Variants in SLC6A12 observed in about 807,000 individuals in gnomAD.
SLC6A12 encodes solute carrier family 6 member 12.
SLC6A12 carries 50 observed loss-of-function variants against 73.3 expected under a neutral mutation model. That is an observed-to-expected ratio of 0.68 (90% CI 0.54 to 0.86). The LOEUF (loss-of-function observed/expected upper bound fraction) is 0.86, where lower values mean the gene tolerates loss of function less well. Ranked by LOEUF, SLC6A12 falls within the 40% of genes least tolerant of loss-of-function variation. The probability of loss-of-function intolerance (pLI) is 0.00; values close to 1 mark genes in which losing one functional copy is unlikely to be tolerated. For synonymous variants in SLC6A12, 304 were observed against 309.2 expected, an observed-to-expected ratio of 0.98 and a Z score of 0.18; for missense variants, 648 against 772.8, an observed-to-expected ratio of 0.84 and a Z score of 1.92.
the SLC6A12 span, among the ~76,000 whole-genome samples, chr12:183,862 TCTA>T: frequency 6.6e-6 from 1 of 151,798 alleles, no homozygotes; most frequent in Non-Finnish European, 1.5e-5. Flanking sequence ...TTTACAAAAT[TCTA>T]CTACACTTCA....
At chr12:191,713 G>C (rs1330349722) in intron 15 of SLC6A12, among the ~76,000 whole-genome samples, 1 of 152,146 alleles carries the variant, frequency 6.6e-6, no homozygotes, top group Non-Finnish European at 1.5e-5. Context: ...TGCCTTGAAT[G>C]CAGATGTGAT....
downstream of SLC6A12, among the ~76,000 whole-genome samples, chr12:187,674 G>T (rs1266384860): frequency 7.1e-6 from 1 of 140,454 alleles, no homozygotes; most frequent in African/African-American, 2.7e-5. Flanking sequence ...CGCGACCCCA[G>T]CGGGTTACCA....
At chr12:193,034 C>G in intron 14 of SLC6A12, 1 of 532,798 alleles carries the variant, frequency 1.9e-6, no homozygotes, top group East Asian at 3.0e-5. Context: ...CAGGCAGAAG[C>G]AGGAGGCACT....
intron 7 of SLC6A12, chr12:199,581 G>C (rs1448724094): frequency 6.6e-6 from 1 of 152,368 alleles, no homozygotes; most frequent in Non-Finnish European, 1.5e-5. Context: ...TGTCTGTGCT[G>C]TTATTACTAC....
downstream of SLC6A12, among the ~76,000 whole-genome samples, chr12:187,697 G>C (rs1939462443): frequency 6.9e-6 from 1 of 145,762 alleles, no homozygotes; most frequent in Non-Finnish European, 1.5e-5. Flanking sequence ...AGGGCCTCCG[G>C]CAGCCTGCTT....
rs1565463113 is a variant in SLC6A12 at position 190,553 on chromosome 12, G to T, written c.*515C>A. 6.6e-6 allele frequency: 1 copy of T among 152,324 alleles called. No homozygotes were observed. The highest frequency in any genetic ancestry group is 1.9e-4 in the East Asian group (1 of 5,178). The allele number at this position is 152,324 out of a possible 1,614,324, so 9.4% of individuals were successfully genotyped here. On this transcript the variant is annotated 3_prime_UTR_variant, in exon 16 of 16. Transcript: ENST00000684302. The stretch of plus-strand genomic sequence containing the variant: ...AACTCCAGACTGACGGCATGCAAAG[G>T]CTTGCCTCTGTCGTTAAGCCTAAGG...
rs1365048566 is a variant in SLC6A12, at chr12:209,874, T to C, written c.113A>G (p.Gln38Arg). The change falls in exon 3 of 16, where the codon CAA becomes CGA. Residue 38 changes from glutamine (Q) to arginine (R), a missense_variant. Gln to Arg is a conservative substitution (Grantham distance 43, BLOSUM62 1). Transcript: ENST00000684302. ...EDEDQVKDRGQWTNKMEFVLS... is the reference protein window; with the variant it reads ...EDEDQVKDRGRWTNKMEFVLS... ...CACAAACTCCATCTTGTTGGTCCAT[T>C]GGCCCCGATCCTTCACCTGGTCCTC... is the stretch of plus-strand genomic sequence containing the variant. 6.2e-7 allele frequency: 1 copy of C among 1,614,040 alleles called. No homozygotes were observed. The highest frequency in any genetic ancestry group is 1.3e-5 in the African/African-American group (1 of 74,914).
downstream of SLC6A12, among the ~76,000 whole-genome samples, chr12:188,604 G>A (rs1379655017): frequency 6.6e-6 from 1 of 152,204 alleles, no homozygotes; most frequent in Non-Finnish European, 1.5e-5. Flanking sequence ...GAGGGCTGGG[G>A]GCACGCTGTC....
rs767745827 is a variant in SLC6A12 at position 201,813 on chromosome 12, C to T, written c.527G>A (p.Gly176Asp). The T allele has an allele frequency of 5.0e-6, 8 of 1,614,098 alleles. No homozygotes were observed. The African/African-American group carries it at 8.0e-5, about 16-fold the overall frequency. ...CTDFLNHSGA[G>D]TVTPFENFTS... ...AAAATTCTCAAATGGGGTCACTGTGCCGGCTCCTGAGTGGTTCAGAAAGTC... is the reference window on the plus strand; with the variant it reads ...AAAATTCTCAAATGGGGTCACTGTGTCGGCTCCTGAGTGGTTCAGAAAGTC... Residue 176 changes from glycine to aspartate, a missense_variant, in exon 6 of 16, where the codon GGC (glycine) becomes GAC (aspartate). Physicochemically the swap from Gly to Asp is moderately conservative, Grantham distance 94. Transcript: ENST00000684302.
intron 4 of SLC6A12, chr12:203,710 G>T (rs1009660839): frequency 6.6e-6 from 1 of 152,246 alleles, no homozygotes; most frequent in African/African-American, 2.4e-5. Flanking sequence ...AAGCGGACCC[G>T]GGATGGCCGA....
In SLC6A12 at chr12:190,137, T is replaced by C. The variant is rs1379636269; in HGVS notation, c.*931A>G. ...AGGCAGGGGGTTAATGGGAAGACACTGGCCTGAGCACAAGGAGATAAGGTT... is the reference window on the plus strand; with the variant it reads ...AGGCAGGGGGTTAATGGGAAGACACCGGCCTGAGCACAAGGAGATAAGGTT... On this transcript the variant is annotated 3_prime_UTR_variant, in exon 16 of 16. Coordinates refer to ENST00000684302, the MANE Select transcript of SLC6A12 (RefSeq NM_001122848.3). The C allele has an allele frequency of 6.6e-6, 1 of 152,234 alleles. No individual in the cohort carries two copies. Among genetic ancestry groups the C allele is most frequent in the Non-Finnish European group, 1.5e-5 (1 of 68,064 alleles). 9.4% of individuals were successfully genotyped at this position (152,234 alleles called of 1,614,324 possible).
chr12:200,330 G>C lies in SLC6A12; in HGVS notation c.711+321C>G, dbSNP rs184039800. On this transcript the variant is annotated intron_variant, in intron 7 of 15. Transcript: ENST00000684302. ...TTACCGTGTTAGCCAGGATGGTCTC[G>C]ATCTCCTGACCTCGTGATCCGCCAG... is the stretch of plus-strand genomic sequence containing the variant. 4.0e-3 allele frequency among the ~76,000 whole-genome samples: 608 copies of C among 151,892 alleles called. 4 individuals carry two copies. Among genetic ancestry groups the C allele is most frequent in the African/African-American group, 0.012 (515 of 41,376 alleles).
At position 197,403 on chromosome 12, in the gene SLC6A12, A is replaced by T. The variant is rs577031145; in HGVS notation, c.1049T>A (p.Val350Glu). The T allele has an allele frequency of 3.7e-6, 6 of 1,613,440 alleles. No individual in the cohort carries two copies. Among genetic ancestry groups the T allele is most frequent in the East Asian group, 4.5e-5 (2 of 44,836 alleles). The change falls in exon 10 of 16, where the codon GTG becomes GAG. Residue 350 changes from valine to glutamate, a missense_variant. Val to Glu is a moderately radical substitution (Grantham distance 121, BLOSUM62 -2). Transcript: ENST00000684302. ...ILGFMSQEQG[V>E]PISEVAESGP... ...TGACTCGGCCACTTCAGAAATGGGCACCCCTTGCTCTTGGGACATGAAGCC... is the reference window on the plus strand; with the variant it reads ...TGACTCGGCCACTTCAGAAATGGGCTCCCCTTGCTCTTGGGACATGAAGCC...
chr12:190,233 T>C lies in SLC6A12; in HGVS notation c.*835A>G, dbSNP rs2137096578. ...TGAAAAAGTCCCTTTGTCTCTTTGG[T>C]CTCCAGGTTCCTCATCCATGAAGTC... On this transcript the variant is annotated 3_prime_UTR_variant, in exon 16 of 16. Coordinates refer to ENST00000684302, the MANE Select transcript of SLC6A12 (RefSeq NM_001122848.3). 1 of 152,324 alleles carries C rather than the reference T, an allele frequency of 6.6e-6. No homozygotes were observed. The highest frequency in any genetic ancestry group is 6.5e-5 in the Admixed American group (1 of 15,308). The allele number at this position is 152,324 out of a possible 1,614,324, so 9.4% of individuals were successfully genotyped here. A position where few individuals can be genotyped will look rare whatever the true frequency, so the allele number is the denominator to read the frequency against.
chr12:187,070 A>C (rs1436080804), downstream of SLC6A12, among the ~76,000 whole-genome samples: 3 of 152,234 alleles, frequency 2.0e-5, no homozygotes, highest in Non-Finnish European at 4.4e-5. Flanking sequence ...GTGTGACAGA[A>C]GTGGGAAGAC....
Position 196,786 on chromosome 12 carries a change from A to G in SLC6A12, c.1172T>C (p.Leu391Pro). 1 of 1,612,930 alleles carries G rather than the reference A, an allele frequency of 6.2e-7. No homozygotes were observed. The highest frequency in any genetic ancestry group is 8.5e-7 in the Non-Finnish European group (1 of 1,179,102). The change falls in exon 11 of 16, where the codon CTA becomes CCA. Residue 391 changes from leucine to proline, a missense_variant. Transcript: ENST00000684302. ...GTGACGTACCTGGCTGTCCAGCCCT[A>G]GGAATATGAGCATGATAAAGAACAG... ...SCLFFIMLIF[L>P]GLDSQFVCVE...
chr12:209,115 C>T (rs374962117), intron 3 of SLC6A12, among the ~76,000 whole-genome samples: 1 of 152,192 alleles, frequency 6.6e-6, no homozygotes. Context: ...CTCAGACAGG[C>T]CTGCAGCTTC....
chr12:195,346 G>A lies in SLC6A12; in HGVS notation c.1327-19C>T. ...TCCCGCCCTGTGGGGAGAGCGTGGA[G>A]CTGGGGCATGGCCAGTGCAGAGCTG... On this transcript the variant is annotated intron_variant, in intron 12 of 15. Coordinates refer to ENST00000684302, the MANE Select transcript of SLC6A12 (RefSeq NM_001122848.3). 3.3e-6 allele frequency: 5 copies of A among 1,508,636 alleles called. No homozygotes were observed. The highest frequency in any genetic ancestry group is 4.6e-6 in the Non-Finnish European group (5 of 1,083,728). The allele number at this position is 1,508,636 out of a possible 1,614,324, so 93.5% of individuals were successfully genotyped here.
At position 213,084 on chromosome 12, in the gene SLC6A12, C is replaced by G. The variant is rs568715199; in HGVS notation, c.-143+838G>C. Among the ~76,000 whole-genome samples the G allele has an allele frequency of 2.6e-5, 4 of 152,252 alleles. No homozygotes were observed. The East Asian group carries it at 7.7e-4, about 29-fold the overall frequency. ...CAGCTGGGGCTAGCAGAGGTGCAGA[C>G]GAGACCAGAAATGCTGCTGCCCATG... On this transcript the variant is annotated intron_variant, in intron 1 of 15. Coordinates refer to ENST00000684302, the MANE Select transcript of SLC6A12 (RefSeq NM_001122848.3). This position sits in a 1 kb window ranked among gnomAD's most constrained non-coding sequence, Gnocchi z 5.3.
Sources: allele counts gnomAD v4.1 joint callset (sites outside exome capture counted in the v4.1 genomes callset), GRCh38; gene constraint gnomAD v4.1.1; non-coding constraint Gnocchi (gnomAD v3.1); transcripts MANE v1.5; gene names NCBI Gene and HGNC (gene_info 2026-07-23, HGNC 2026-07-21).